COL23A1: variants seen among roughly 807,000 people sequenced by gnomAD.
COL23A1 encodes the protein collagen type XXIII alpha 1 chain.
A neutral mutation model predicts 99.3 loss-of-function variants in COL23A1; 97 were observed. That is an observed-to-expected ratio of 0.98 (90% CI 0.83 to 1.16). The LOEUF (loss-of-function observed/expected upper bound fraction) is 1.16. COL23A1 is among the 50% of genes most tolerant of loss of function. COL23A1 has a pLI of 0.00. For synonymous variants in COL23A1, 320 were observed against 308.2 expected, an observed-to-expected ratio of 1.04 and a Z score of -0.40; for missense variants, 762 against 757.4, an observed-to-expected ratio of 1.01 and a Z score of -0.07.
intron 2 of COL23A1, among the ~76,000 whole-genome samples, chr5:178,358,140 GTGTGTA>G (rs1229599468): frequency 1.9e-4 from 29 of 149,612 alleles, no homozygotes; most frequent in East Asian, 2.0e-4. Context: ...CGTCTAATGT[GTGTGTA>G]TGTGTATGTG....
intron 2 of COL23A1, among the ~76,000 whole-genome samples, chr5:178,344,627 A>T (rs996599781): frequency 1.3e-5 from 2 of 151,634 alleles, no homozygotes; most frequent in Admixed American, 6.6e-5. Context: ...TGGGCGACAG[A>T]GCGAGATTCT....
intron 2 of COL23A1, among the ~76,000 whole-genome samples, chr5:178,330,129 T>C (rs1759929206): frequency 6.6e-6 from 1 of 152,026 alleles, no homozygotes; most frequent in African/African-American, 2.4e-5. Flanking sequence ...CCCTGCAGGC[T>C]TTTCCCCTGA....
At chr5:178,588,753 T>G (rs1764123013) in intron 1 of COL23A1, among the ~76,000 whole-genome samples, 1 of 152,188 alleles carries the variant, frequency 6.6e-6, no homozygotes, top group Admixed American at 6.5e-5. Context: ...TCTCCCACTT[T>G]CCTTTGGAAT....
chr5:178,582,142 G>C (rs1763691353), intron 1 of COL23A1, among the ~76,000 whole-genome samples: 1 of 136,468 alleles, frequency 7.3e-6, no homozygotes, highest in Non-Finnish European at 1.5e-5. Flanking sequence ...AGGAGTTCAA[G>C]ACTGCAGTGA....
intron 2 of COL23A1, among the ~76,000 whole-genome samples, chr5:178,357,318 T>A (rs1307642751): frequency 6.6e-6 from 1 of 152,014 alleles, no homozygotes; most frequent in Non-Finnish European, 1.5e-5. Context: ...GGAGAATGCC[T>A]TTTCTGTGAG....
At position 178,398,251 on chromosome 5, in the gene COL23A1, A is replaced by G. The variant is rs537811877; in HGVS notation, c.362-91332T>C. Among the ~76,000 whole-genome samples, 29 of 152,388 alleles carry G rather than the reference A, an allele frequency of 1.9e-4. 2 individuals carry two copies. In the South Asian group the frequency reaches 5.2e-3, roughly 27 times the overall value. ...CCTTTATCAACATGCTGTGGCGTTC[A>G]GATGTGAACAGTCTTCATGTGCTTT... On this transcript the variant is annotated intron_variant, in intron 2 of 28. Coordinates refer to ENST00000390654, the MANE Select transcript of COL23A1 (RefSeq NM_173465.4).
intron 2 of COL23A1, among the ~76,000 whole-genome samples, chr5:178,372,987 T>C (rs973288594): frequency 6.7e-6 from 1 of 148,312 alleles, no homozygotes; most frequent in African/African-American, 2.5e-5. Flanking sequence ...TGGAGTGCAG[T>C]GTGCAATCCC....
intron 2 of COL23A1, among the ~76,000 whole-genome samples, chr5:178,488,445 A>T (rs1338401888): frequency 6.6e-6 from 1 of 152,076 alleles, no homozygotes; most frequent in Non-Finnish European, 1.5e-5. Flanking sequence ...GCACATGAAG[A>T]TTTCTAGTGA....
intron 2 of COL23A1, among the ~76,000 whole-genome samples, chr5:178,330,092 G>A (rs1175912623): frequency 6.6e-6 from 1 of 152,180 alleles, no homozygotes; most frequent in Non-Finnish European, 1.5e-5. Flanking sequence ...GTCCCAGGAG[G>A]GAGAGTATTC....
At chr5:178,503,469 A>G (rs1211281344) in intron 2 of COL23A1, among the ~76,000 whole-genome samples, 2 of 152,228 alleles carry the variant, frequency 1.3e-5, no homozygotes, top group African/African-American at 4.8e-5. Flanking sequence ...AAATGCTACA[A>G]AACGGCATAA....
chr5:178,562,013 C>A (rs1457676432), intron 1 of COL23A1: 1 of 504,436 alleles, frequency 2.0e-6, no homozygotes, highest in Non-Finnish European at 3.9e-6. Flanking sequence ...GATCCTAAAA[C>A]AGAAGAAGTT....
At chr5:178,483,805 C>T (rs914068880) in intron 2 of COL23A1, among the ~76,000 whole-genome samples, 10 of 152,364 alleles carry the variant, frequency 6.6e-5, no homozygotes, top group African/African-American at 2.4e-4. Flanking sequence ...AGCGGGGTTC[C>T]TCTTCAAAGA....
At chr5:178,373,724 C>T (rs1173746507) in intron 2 of COL23A1, among the ~76,000 whole-genome samples, 1 of 152,176 alleles carries the variant, frequency 6.6e-6, no homozygotes, top group Non-Finnish European at 1.5e-5. Context: ...CCCTGCCGTG[C>T]ACTTTAACCT....
intron 2 of COL23A1, among the ~76,000 whole-genome samples, chr5:178,358,162 G>A (rs1201984643): frequency 3.3e-5 from 5 of 149,620 alleles, no homozygotes; most frequent in African/African-American, 1.2e-4. Context: ...ATGTGTGTAT[G>A]TCTAATGTGT....
rs111933187 is a variant in COL23A1 at position 178,387,393 on chromosome 5, G to A, written c.362-80474C>T. Among the ~76,000 whole-genome samples, 5,662 of 152,218 alleles carry A rather than the reference G, an allele frequency of 0.037. 117 individuals carry two copies. Among genetic ancestry groups the A allele is most frequent in the Non-Finnish European group, 0.056 (3,796 of 68,006 alleles). ...ACACTGCTGGGTCAAGCCTCAGTGC[G>A]TTTGCCCAGGTGGGTCCCTCCACAG... is the stretch of plus-strand genomic sequence containing the variant. On this transcript the variant is annotated intron_variant, in intron 2 of 28. Coordinates refer to ENST00000390654, the MANE Select transcript of COL23A1 (RefSeq NM_173465.4). The surrounding 1 kb of genome is among the most constrained non-coding windows in gnomAD (Gnocchi z 4.7).
chr5:178,587,796 T>A (rs761225829), intron 1 of COL23A1, among the ~76,000 whole-genome samples: 9 of 152,344 alleles, frequency 5.9e-5, no homozygotes, highest in Non-Finnish European at 1.3e-4. Context: ...GAACTCATTG[T>A]TACCGGCCAG....
Position 178,263,196 on chromosome 5 carries a change from G to T in COL23A1, c.639+12C>A. 2 of 1,593,554 alleles carry T rather than the reference G, an allele frequency of 1.3e-6. No homozygotes were observed. Among genetic ancestry groups the T allele is most frequent in the Non-Finnish European group, 8.6e-7 (1 of 1,161,430 alleles). On this transcript the variant is annotated intron_variant, in intron 9 of 28. Coordinates refer to ENST00000390654, the MANE Select transcript of COL23A1 (RefSeq NM_173465.4). Reference sequence around the variant, plus strand: ...CAAGTCCTGCGTGGCCCAACTCCATGCCCTCTCTTACCGCTGGGCCTTGTG... The same window carrying T: ...CAAGTCCTGCGTGGCCCAACTCCATTCCCTCTCTTACCGCTGGGCCTTGTG...
At chr5:178,484,241 T>G (rs1229601027) in intron 2 of COL23A1, among the ~76,000 whole-genome samples, 2 of 152,126 alleles carry the variant, frequency 1.3e-5, no homozygotes, top group Non-Finnish European at 2.9e-5. Flanking sequence ...TCAAAAGAAG[T>G]TTGTTTTCAT....
At chr5:178,571,333 G>C (rs1002379635) in intron 1 of COL23A1, among the ~76,000 whole-genome samples, 7 of 152,124 alleles carry the variant, frequency 4.6e-5, no homozygotes, top group African/African-American at 9.7e-5. Flanking sequence ...CTGCACTCCA[G>C]CCTGGGTGAC....
Sources: gnomAD v4.1 joint callset for allele counts (sites outside exome capture counted in the v4.1 genomes callset) on GRCh38, gnomAD v4.1.1 for gene constraint, Gnocchi (gnomAD v3.1) non-coding constraint, MANE v1.5 for transcripts, NCBI Gene and HGNC (gene_info 2026-07-23, HGNC 2026-07-21) for gene names.